PAK1: variants seen among roughly 807,000 people sequenced by gnomAD.
PAK1 encodes the protein p21 (RAC1) activated kinase 1, also known as serine/threonine-protein kinase PAK 1.
In PAK1, 29 loss-of-function variants were observed where a neutral mutation model predicts 67.4. The observed-to-expected ratio is 0.43, with a 90% confidence interval of 0.32 to 0.59. The LOEUF is 0.59. Ranked by LOEUF, PAK1 falls within the 20% of genes least tolerant of loss-of-function variation. The pLI is 0.07. For synonymous variants in PAK1, 223 were observed against 237.4 expected (o/e 0.94, Z 0.56); for missense variants, 337 against 670.7 (o/e 0.50, Z 5.50).
At chr11:77,401,798 G>C (rs937427129) in intron 1 of PAK1, among the ~76,000 whole-genome samples, 18 of 152,168 alleles carry the variant, frequency 1.2e-4, no homozygotes, top group African/African-American at 4.3e-4. Flanking sequence ...AAATGTAACA[G>C]CATTCTATGT....
rs1946387640 is a variant in PAK1 at position 77,358,816 on chromosome 11, C to T, written c.597+82G>A. ...TAAGGACGCCTACCAGAATATTAAA[C>T]TTCTAGGTATCAGCACCAACTCCTC... is the stretch of plus-strand genomic sequence containing the variant. On this transcript the variant is annotated intron_variant, in intron 6 of 14. Coordinates refer to ENST00000356341, the MANE Select transcript of PAK1 (RefSeq NM_002576.5). 8 of 1,393,542 alleles carry T rather than the reference C, an allele frequency of 5.7e-6. No homozygotes were observed. In the South Asian group the frequency reaches 7.4e-5, roughly 13 times the overall value. 86.3% of individuals were successfully genotyped at this position (1,393,542 alleles called of 1,614,324 possible). A position where few individuals can be genotyped will look rare whatever the true frequency, so the allele number is the denominator to read the frequency against.
At chr11:77,340,867 T>C (rs975289665) in intron 10 of PAK1, 104 bp from the exon 11 acceptor site, 9 of 728,644 alleles carry the variant, frequency 1.2e-5, no homozygotes, top group Non-Finnish European at 2.3e-5. Context: ...AACTACGTCT[T>C]AGCACAAAGT....
intron 14 of PAK1, among the ~76,000 whole-genome samples, chr11:77,330,601 G>T (rs1046177093): frequency 2.6e-5 from 4 of 152,182 alleles, no homozygotes; most frequent in Admixed American, 1.3e-4. Context: ...GCTGAAACTG[G>T]ATCCCTTCCT....
chr11:77,343,405 A>G (rs1943937404), intron 10 of PAK1, among the ~76,000 whole-genome samples: 2 of 152,222 alleles, frequency 1.3e-5, no homozygotes, highest in Non-Finnish European at 2.9e-5. Flanking sequence ...CATAGTGGTC[A>G]GATCTCAAAT....
intron 1 of PAK1, among the ~76,000 whole-genome samples, chr11:77,403,496 C>G (rs1419151124): frequency 6.6e-6 from 1 of 152,216 alleles, no homozygotes; most frequent in Non-Finnish European, 1.5e-5. Flanking sequence ...CAACCTTGCT[C>G]AAGAATTTCC....
intron 1 of PAK1, among the ~76,000 whole-genome samples, chr11:77,421,140 C>T (rs1039577963): frequency 4.0e-5 from 6 of 151,790 alleles, no homozygotes; most frequent in Non-Finnish European, 7.4e-5. Context: ...CTTCCTCTAC[C>T]TCCTCCCCTC....
At chr11:77,483,420 A>G in the PAK1 span, among the ~76,000 whole-genome samples, 1 of 152,204 alleles carries the variant, frequency 6.6e-6, no homozygotes, top group Non-Finnish European at 1.5e-5. Flanking sequence ...TTAGCACACC[A>G]GTCTATCAAC....
intron 1 of PAK1, among the ~76,000 whole-genome samples, chr11:77,447,309 A>G (rs989366457): frequency 2.0e-5 from 3 of 152,162 alleles, no homozygotes; most frequent in Non-Finnish European, 4.4e-5. Flanking sequence ...CATTATTCCC[A>G]TTGTCTGATT....
chr11:77,358,978 C>A lies in PAK1; in HGVS notation c.517G>T (p.Val173Phe), dbSNP rs767025994. Reference protein sequence around the residue: ...AVSETPAVPPVSEDEDDDDDD... With the variant: ...AVSETPAVPPFSEDEDDDDDD... ...TCATCATCATCCTCATCTTCTGAAA[C>A]TGGTGGCACTGCAGGAGTCTCAGAC... The change falls in exon 6 of 15, where the codon GTT (valine) becomes TTT (phenylalanine). Residue 173 changes from valine (V) to phenylalanine (F), a missense_variant. Transcript: ENST00000356341. The A allele has an allele frequency of 6.2e-7, 1 of 1,613,312 alleles. No individual in the cohort carries two copies. Among genetic ancestry groups the A allele is most frequent in the African/African-American group, 1.3e-5 (1 of 74,882 alleles).
At chr11:77,522,067 T>C in the PAK1 span, among the ~76,000 whole-genome samples, 1 of 152,262 alleles carries the variant, frequency 6.6e-6, no homozygotes, top group Non-Finnish European at 1.5e-5. Flanking sequence ...TTTAGTCTTA[T>C]ACTTGGTCAG....
chr11:77,373,640 C>T (rs571355245), intron 5 of PAK1, among the ~76,000 whole-genome samples: 1 of 140,970 alleles, frequency 7.1e-6, no homozygotes, highest in South Asian at 2.2e-4. Context: ...TCAAATACAT[C>T]AACATCACAT....
chr11:77,482,597 CT>C, the PAK1 span, among the ~76,000 whole-genome samples: 44,715 of 137,144 alleles, frequency 0.33, 6,640 homozygotes, highest in South Asian at 0.45. Context: ...CTCTTTTTTT[CT>C]TTTTTTTTTT....
At chr11:77,371,876 C>G (rs1418388020) in intron 5 of PAK1, among the ~76,000 whole-genome samples, 1 of 152,200 alleles carries the variant, frequency 6.6e-6, no homozygotes, top group African/African-American at 2.4e-5. Context: ...AGGGCTCTTC[C>G]TCCTCAATAA....
intron 10 of PAK1, among the ~76,000 whole-genome samples, chr11:77,342,479 T>G (rs1353543690): frequency 2.0e-5 from 3 of 152,154 alleles, no homozygotes; most frequent in African/African-American, 7.2e-5. Context: ...CAGCTTTCAT[T>G]TTTCCATATC....
At chr11:77,483,330 G>A in the PAK1 span, among the ~76,000 whole-genome samples, 1 of 152,060 alleles carries the variant, frequency 6.6e-6, no homozygotes, top group Non-Finnish European at 1.5e-5. Context: ...ATAAAACTCA[G>A]ACCAAGTCAC....
the PAK1 span, among the ~76,000 whole-genome samples, chr11:77,520,138 C>T: frequency 0.016 from 2,494 of 152,312 alleles, 20 homozygotes; most frequent in Middle Eastern, 0.031. Flanking sequence ...CAGAGGTTCT[C>T]CAGGAACCCC....
Position 77,370,462 on chromosome 11 carries a change from G to T in PAK1, c.477+3866C>A, listed in dbSNP as rs555057372. Among the ~76,000 whole-genome samples, 3 of 152,296 alleles carry T rather than the reference G, an allele frequency of 2.0e-5. No homozygotes were observed. The South Asian group carries it at 6.2e-4, about 32-fold the overall frequency. The stretch of plus-strand genomic sequence containing the variant: ...CTGTAAGGAGGAGGCTGCCCCTACT[G>T]TTTCAAAGGTAGAATTAAATTAATT... On this transcript the variant is annotated intron_variant, in intron 5 of 14. Transcript: ENST00000356341.
At chr11:77,524,441 C>T in the PAK1 span, among the ~76,000 whole-genome samples, 1 of 152,212 alleles carries the variant, frequency 6.6e-6, no homozygotes. Flanking sequence ...ATGCCATGCT[C>T]GCTCTCTTCC....
At chr11:77,329,761 A>G (rs1227961069) in intron 14 of PAK1, among the ~76,000 whole-genome samples, 3 of 152,064 alleles carry the variant, frequency 2.0e-5, no homozygotes, top group African/African-American at 7.2e-5. Context: ...CCTATTCAAC[A>G]TAGTGTTGGA....
Sources: allele counts gnomAD v4.1 joint callset (sites outside exome capture counted in the v4.1 genomes callset), GRCh38; gene constraint gnomAD v4.1.1; transcripts MANE v1.5; gene names NCBI Gene and HGNC (gene_info 2026-07-23, HGNC 2026-07-21).